Variants in NUB1 observed in about 807,000 individuals in gnomAD.
NUB1 encodes the protein NEDD8 ultimate buster 1.
NUB1 carries 41 observed loss-of-function variants against 77.1 expected under a neutral mutation model. The observed-to-expected ratio is 0.53, with a 90% CI of 0.41 to 0.69. NUB1 has a LOEUF of 0.69. NUB1 is among the 30% of genes least tolerant of loss of function. The pLI, the probability that NUB1 is intolerant of heterozygous loss-of-function variation, is 0.00. For synonymous variants in NUB1, 257 were observed against 281.0 expected (o/e 0.91, Z 0.85); for missense variants, 643 against 743.8 (o/e 0.86, Z 1.58).
At chr7:151,359,265 T>G (rs534206670) in intron 7 of NUB1, among the ~76,000 whole-genome samples, 1 of 137,458 alleles carries the variant, frequency 7.3e-6, no homozygotes, top group Non-Finnish European at 1.5e-5. Flanking sequence ...GGTGAAACCC[T>G]GTCTCTACTA....
intron 14 of NUB1, 74 bp from the exon 15 acceptor site, chr7:151,376,973 G>A (rs1798320606): frequency 7.0e-7 from 1 of 1,421,124 alleles, no homozygotes; most frequent in East Asian, 2.5e-5. Flanking sequence ...ACAGTCTGAG[G>A]TTGACTGTGG....
Position 151,345,227 on chromosome 7 carries a change from T to C in NUB1, c.-2-121T>C, listed in dbSNP as rs114894405. 6.6e-4 allele frequency: 406 copies of C among 611,038 alleles called. No homozygotes were observed. The African/African-American group carries it at 7.5e-3, about 11-fold the overall frequency. 37.9% of individuals were successfully genotyped at this position (611,038 alleles called of 1,614,324 possible). The stretch of plus-strand genomic sequence containing the variant: ...GGAGCTCATTTAAACCATAGTAATT[T>C]ATATTTAATGACAGAGGAAGGGAGC... On this transcript the variant is annotated intron_variant, in intron 1 of 14. Coordinates refer to ENST00000568733, the MANE Select transcript of NUB1 (RefSeq NM_001243351.2).
chr7:151,353,579 C>T (rs999654074), intron 5 of NUB1, among the ~76,000 whole-genome samples: 7 of 152,190 alleles, frequency 4.6e-5, no homozygotes, highest in Non-Finnish European at 1.0e-4. Context: ...ACTAGATGAC[C>T]TTCCTCAGTG....
intron 1 of NUB1, among the ~76,000 whole-genome samples, chr7:151,344,017 T>C (rs1796338590): frequency 6.6e-6 from 1 of 150,994 alleles, no homozygotes; most frequent in South Asian, 2.1e-4. Flanking sequence ...CCATCTCTAC[T>C]AAAAATACAA....
In NUB1 at chr7:151,378,127, C is replaced by T. The variant is rs1584983616; in HGVS notation, c.*902C>T. The stretch of plus-strand genomic sequence containing the variant: ...AGGCTCTTTCTAAAAGTATGTAGTT[C>T]GCTGTGTGTCGGCTCCAGCAGTAAC... On this transcript the variant is annotated 3_prime_UTR_variant, in exon 15 of 15. Transcript: ENST00000568733. The T allele has an allele frequency of 2.0e-5, 3 of 152,142 alleles. No homozygotes were observed. The highest frequency in any genetic ancestry group is 4.1e-4 in the South Asian group (2 of 4,830). 9.4% of individuals were successfully genotyped at this position (152,142 alleles called of 1,614,324 possible).
chr7:151,371,039 A>T (rs987448828), intron 11 of NUB1, among the ~76,000 whole-genome samples: 1 of 152,124 alleles, frequency 6.6e-6, no homozygotes, highest in African/African-American at 2.4e-5. Flanking sequence ...GGTCTTTTAA[A>T]GTATAGTGGA....
intron 9 of NUB1, among the ~76,000 whole-genome samples, 182 bp from the exon 10 acceptor site, chr7:151,367,679 T>C (rs1387032664): frequency 6.6e-6 from 1 of 152,178 alleles, no homozygotes; most frequent in African/African-American, 2.4e-5. Context: ...AGGAATGTTA[T>C]CATACCACAG....
intron 1 of NUB1, among the ~76,000 whole-genome samples, chr7:151,343,366 T>C (rs768814090): frequency 6.6e-6 from 1 of 152,212 alleles, no homozygotes; most frequent in Non-Finnish European, 1.5e-5. Flanking sequence ...TTAAAAAATA[T>C]TTGTTTATGA....
chr7:151,344,180 CAAAAAAAAAAAAAAAAAA>C (rs561127147), intron 1 of NUB1, among the ~76,000 whole-genome samples: 9 of 45,644 alleles, frequency 2.0e-4, no homozygotes, highest in African/African-American at 4.2e-4. Context: ...GACTCCCTCT[CAAAAAAAAAAAAAAAAAA>C]AAAAAAAAAA....
intron 14 of NUB1, 56 bp from the exon 15 acceptor site, chr7:151,376,991 G>T (rs1798323770): frequency 8.9e-6 from 13 of 1,456,844 alleles, no homozygotes; most frequent in Non-Finnish European, 1.1e-5. Context: ...TGGTCGTGCA[G>T]TGTCCCCAGG....
intron 13 of NUB1, 86 bp from the exon 14 acceptor site, chr7:151,376,546 TGA>T (rs950824533): frequency 1.5e-5 from 19 of 1,285,296 alleles, no homozygotes; most frequent in Middle Eastern, 2.6e-4. Context: ...CTCTTAAACA[TGA>T]GAGTCGGCTG....
chr7:151,376,373 G>A (rs1584979058), intron 13 of NUB1: 1 of 515,240 alleles, frequency 1.9e-6, no homozygotes, highest in African/African-American at 1.9e-5. Flanking sequence ...GGTGAGGCTG[G>A]TGTGGCGCCC....
At chr7:151,350,694 A>G (rs983756366) in intron 3 of NUB1, among the ~76,000 whole-genome samples, 3 of 152,190 alleles carry the variant, frequency 2.0e-5, no homozygotes, top group Admixed American at 6.5e-5. Flanking sequence ...TTCTTATTCT[A>G]TATATTTTCT....
At chr7:151,351,324 C>T (rs1241309812) in intron 3 of NUB1, 100 bp from the exon 4 acceptor site, 4 of 878,232 alleles carry the variant, frequency 4.6e-6, no homozygotes, top group Non-Finnish European at 7.4e-6. Flanking sequence ...ACAGTGAACT[C>T]AGTTTATATC....
chr7:151,354,127 A>G (rs1796947688), intron 5 of NUB1, among the ~76,000 whole-genome samples: 1 of 152,134 alleles, frequency 6.6e-6, no homozygotes, highest in Non-Finnish European at 1.5e-5. Flanking sequence ...CCCTTTCTAT[A>G]TAAAGTTTAA....
intron 8 of NUB1, 73 bp downstream of exon 8, chr7:151,360,320 G>A: frequency 1.4e-6 from 1 of 734,322 alleles, no homozygotes; most frequent in African/African-American, 1.7e-5. Context: ...ACCCTGCCAT[G>A]CCCTTGAGAC....
At chr7:151,350,572 G>A (rs567753534) in intron 3 of NUB1, among the ~76,000 whole-genome samples, 12 of 152,150 alleles carry the variant, frequency 7.9e-5, no homozygotes, top group Non-Finnish European at 1.6e-4. Context: ...GTTTTTCCTA[G>A]GTTATAATTG....
At position 151,344,770 on chromosome 7, in the gene NUB1, T is replaced by C. The variant is rs2994485; in HGVS notation, c.-2-578T>C. Among the ~76,000 whole-genome samples, 1,451 of 152,230 alleles carry C rather than the reference T, an allele frequency of 9.5e-3. 31 individuals carry two copies. The highest frequency in any genetic ancestry group is 0.033 in the African/African-American group (1,380 of 41,516). ...TAATCCCAGCGTTTTGAGACCAAGGTGGGTGGATCACTTGAGGTCAGGAAT... is the reference window on the plus strand; with the variant it reads ...TAATCCCAGCGTTTTGAGACCAAGGCGGGTGGATCACTTGAGGTCAGGAAT... On this transcript the variant is annotated intron_variant, in intron 1 of 14. Transcript: ENST00000568733.
chr7:151,373,990 G>GA, intron 11 of NUB1, 107 bp from the exon 12 acceptor site: 1 of 1,314,108 alleles, frequency 7.6e-7, no homozygotes, highest in East Asian at 2.5e-5. Flanking sequence ...CTTTGCTTTG[G>GA]TTTTTTGGCT....
Sources: gnomAD v4.1 joint callset for allele counts (sites outside exome capture counted in the v4.1 genomes callset) on GRCh38, gnomAD v4.1.1 for gene constraint, MANE v1.5 for transcripts, NCBI Gene and HGNC (gene_info 2026-07-23, HGNC 2026-07-21) for gene names.